EYA4: variants seen among roughly 807,000 people sequenced by gnomAD.
EYA4 encodes the protein EYA transcriptional coactivator and phosphatase 4.
In EYA4, 31 loss-of-function variants were observed where a neutral mutation model predicts 87.9. The ratio of observed to expected loss-of-function variants is 0.35; its 90% CI spans 0.27 to 0.48. The LOEUF is 0.48. EYA4 is among the 20% of genes least tolerant of loss of function. The pLI is 0.99. For missense variants in EYA4, 678 were observed against 761.4 expected (o/e 0.89, Z 1.29); for synonymous variants, 263 against 270.6 (o/e 0.97, Z 0.28).
chr6:133,266,898 A>T lies in EYA4; in HGVS notation c.-65-7818A>T, dbSNP rs551718577. 3.3e-5 allele frequency among the ~76,000 whole-genome samples: 5 copies of T among 152,274 alleles called. No homozygotes were observed. In the South Asian group the frequency reaches 1.0e-3, roughly 32 times the overall value. On this transcript the variant is annotated intron_variant, in intron 1 of 19. Coordinates refer to ENST00000355286, the MANE Select transcript of EYA4 (RefSeq NM_004100.5). ...TACATTATCAGATACATTATGTATG[A>T]TTTCATACATTATGTATGTTACATT...
chr6:133,433,133 T>G (rs1430388326), intron 3 of EYA4, among the ~76,000 whole-genome samples: 1 of 152,226 alleles, frequency 6.6e-6, no homozygotes, highest in African/African-American at 2.4e-5. Context: ...AAACTATAGA[T>G]CAGTGAACCA....
chr6:133,420,384 C>G (rs1790115972), intron 3 of EYA4, among the ~76,000 whole-genome samples: 1 of 152,204 alleles, frequency 6.6e-6, no homozygotes, highest in African/African-American at 2.4e-5. Context: ...GTTGCATTTG[C>G]ATACAACTTA....
At chr6:133,518,390 G>A (rs560260961) in intron 17 of EYA4, among the ~76,000 whole-genome samples, 3 of 152,168 alleles carry the variant, frequency 2.0e-5, no homozygotes, top group East Asian at 1.9e-4. Flanking sequence ...AATTTGCTGA[G>A]TTATCCACAT....
intron 2 of EYA4, among the ~76,000 whole-genome samples, chr6:133,345,608 C>T (rs891480465): frequency 6.6e-6 from 1 of 152,126 alleles, no homozygotes; most frequent in Non-Finnish European, 1.5e-5. Context: ...TATTTCATCA[C>T]CTGTTTCAGT....
At chr6:133,407,276 A>C (rs1273759220) in intron 3 of EYA4, among the ~76,000 whole-genome samples, 1 of 146,366 alleles carries the variant, frequency 6.8e-6, no homozygotes, top group East Asian at 2.0e-4. Flanking sequence ...TTTTGGAAGG[A>C]AACGTATTTA....
intron 3 of EYA4, among the ~76,000 whole-genome samples, chr6:133,411,292 T>C (rs1475591110): frequency 6.6e-6 from 1 of 152,118 alleles, no homozygotes; most frequent in African/African-American, 2.4e-5. Context: ...CTGAGTGAAA[T>C]AGTTAATAAA....
rs1794703368 is a variant in EYA4 at position 133,464,783 on chromosome 6, T to C, written c.729T>C (p.Ser243=). 2 of 1,599,102 alleles carry C rather than the reference T, an allele frequency of 1.3e-6. No homozygotes were observed. The change falls in exon 10 of 20, where the codon TCT becomes TCC. Residue 243 remains serine (S), a synonymous_variant. Transcript: ENST00000355286. ...QTPYSYQMPG[S]SFAPSSTIYA... Reference sequence around the variant, plus strand: ...CAATTTGTTTTTTACCTCTAGGTTCTAGTTTTGCACCATCATCTACTATTT... The same window carrying C: ...CAATTTGTTTTTTACCTCTAGGTTCCAGTTTTGCACCATCATCTACTATTT...
intron 14 of EYA4, among the ~76,000 whole-genome samples, chr6:133,512,407 A>C (rs548118006): frequency 5.9e-5 from 9 of 152,322 alleles, no homozygotes; most frequent in African/African-American, 1.9e-4. Flanking sequence ...AGGGAACTCA[A>C]ATGCTTATGA....
At chr6:133,383,517 CAAA>C (rs768724484) in intron 3 of EYA4, among the ~76,000 whole-genome samples, 16 of 45,238 alleles carry the variant, frequency 3.5e-4, no homozygotes, top group Non-Finnish European at 5.5e-4. Flanking sequence ...GACTCCATCT[CAAA>C]AAAAAAAAAA....
At chr6:133,521,875 A>G (rs1256187104) in intron 17 of EYA4, among the ~76,000 whole-genome samples, 1 of 141,316 alleles carries the variant, frequency 7.1e-6, no homozygotes, top group Non-Finnish European at 1.5e-5. Context: ...ACAAAAAACC[A>G]AACACTGCAT....
chr6:133,272,576 T>C (rs1406742231), intron 1 of EYA4, among the ~76,000 whole-genome samples: 2 of 152,142 alleles, frequency 1.3e-5, no homozygotes, highest in African/African-American at 4.8e-5. Context: ...CCAAGAGCTG[T>C]CTCTCAAAAG....
intron 1 of EYA4, among the ~76,000 whole-genome samples, chr6:133,254,135 G>A (rs993332902): frequency 1.3e-5 from 2 of 152,060 alleles, no homozygotes; most frequent in Non-Finnish European, 1.5e-5. Flanking sequence ...AGGTATGTCC[G>A]GCGTACATTG....
chr6:133,330,741 A>C (rs2128382600), intron 2 of EYA4, among the ~76,000 whole-genome samples: 1 of 152,108 alleles, frequency 6.6e-6, no homozygotes, highest in South Asian at 2.1e-4. Context: ...AAGTAAATAA[A>C]GAAATGTCTT....
At chr6:133,303,723 T>C (rs1779590447) in intron 2 of EYA4, among the ~76,000 whole-genome samples, 1 of 152,254 alleles carries the variant, frequency 6.6e-6, no homozygotes, top group Admixed American at 6.5e-5. Flanking sequence ...TTGTTCTCTG[T>C]AATAAAAATC....
chr6:133,449,072 A>G lies in EYA4; in HGVS notation c.277+893A>G, dbSNP rs187814452. 4.5e-4 allele frequency among the ~76,000 whole-genome samples: 68 copies of G among 152,358 alleles called. No individual in the cohort carries two copies. In the East Asian group the frequency reaches 0.011, roughly 24 times the overall value. ...ATGTTTTTCAATTTTATACTTAAAT[A>G]TACTTTTCATACTTAAAATTATGTT... is the stretch of plus-strand genomic sequence containing the variant. On this transcript the variant is annotated intron_variant, in intron 5 of 19. Transcript: ENST00000355286.
chr6:133,282,205 C>G (rs186579465), intron 2 of EYA4, among the ~76,000 whole-genome samples: 12 of 152,234 alleles, frequency 7.9e-5, no homozygotes, highest in Admixed American at 7.8e-4. Flanking sequence ...ACATTCCCAC[C>G]AGCAGTATAT....
chr6:133,376,540 A>T (rs1785698869), intron 2 of EYA4, among the ~76,000 whole-genome samples: 1 of 151,942 alleles, frequency 6.6e-6, no homozygotes, highest in Non-Finnish European at 1.5e-5. Flanking sequence ...AGAACTATTC[A>T]CTAGAAGATA....
At chr6:133,475,445 TAAC>T (rs1795640192) in intron 11 of EYA4, among the ~76,000 whole-genome samples, 1 of 152,088 alleles carries the variant, frequency 6.6e-6, no homozygotes, top group Non-Finnish European at 1.5e-5. Context: ...ATACATTAGC[TAAC>T]TGAACCTAAC....
intron 3 of EYA4, among the ~76,000 whole-genome samples, chr6:133,421,396 C>T (rs1790209165): frequency 6.6e-6 from 1 of 152,188 alleles, no homozygotes; most frequent in Non-Finnish European, 1.5e-5. Context: ...CAAGTAATAT[C>T]ATACTTGGGA....
Sources: allele counts gnomAD v4.1 joint callset (sites outside exome capture counted in the v4.1 genomes callset), GRCh38; gene constraint gnomAD v4.1.1; transcripts MANE v1.5; gene names NCBI Gene and HGNC (gene_info 2026-07-23, HGNC 2026-07-21).